PIGN: variants seen among roughly 807,000 people sequenced by gnomAD.
PIGN encodes phosphatidylinositol glycan anchor biosynthesis class N, also known as GPI ethanolamine phosphate transferase 1.
A neutral mutation model predicts 125.4 loss-of-function variants in PIGN; 117 were observed. That is an observed-to-expected ratio of 0.93 (90% CI 0.80 to 1.09). The LOEUF (loss-of-function observed/expected upper bound fraction) is 1.09. Ranked by LOEUF, PIGN falls within the 50% of genes least tolerant of loss-of-function variation. The pLI is 0.00. For missense variants in PIGN, 1,075 were observed against 1,094.9 expected, an observed-to-expected ratio of 0.98 and a Z score of 0.26; for synonymous variants, 392 against 377.8, an observed-to-expected ratio of 1.04 and a Z score of -0.44.
chr18:62,151,038 G>T (rs769849078), intron 7 of PIGN, among the ~76,000 whole-genome samples: 2 of 152,158 alleles, frequency 1.3e-5, no homozygotes, highest in Non-Finnish European at 2.9e-5. Context: ...TGTTTTGCAA[G>T]ATGAAATATT....
intron 1 of PIGN, among the ~76,000 whole-genome samples, chr18:62,176,997 T>C (rs1346733782): frequency 6.6e-6 from 1 of 152,016 alleles, no homozygotes; most frequent in African/African-American, 2.4e-5. Context: ...TCTGAATCTA[T>C]ACTCAAAAGA....
intron 23 of PIGN, among the ~76,000 whole-genome samples, chr18:62,023,529 C>T (rs552788505): frequency 1.3e-5 from 2 of 152,188 alleles, no homozygotes; most frequent in East Asian, 3.8e-4. Context: ...ACCTTCAGCA[C>T]GTTTTTGTGG....
chr18:62,038,878 A>G (rs1350341349), downstream of PIGN, among the ~76,000 whole-genome samples: 1 of 151,982 alleles, frequency 6.6e-6, no homozygotes, highest in Non-Finnish European at 1.5e-5. Flanking sequence ...TCATTGTACC[A>G]CTGCACTACA....
chr18:62,181,432 G>A (rs2037712118), intron 1 of PIGN, among the ~76,000 whole-genome samples: 1 of 152,080 alleles, frequency 6.6e-6, no homozygotes, highest in African/African-American at 2.4e-5. Flanking sequence ...TCATAAGAAA[G>A]TAAAGACAGT....
Position 62,085,223 on chromosome 18 carries a change from T to C in PIGN, c.2412A>G (p.Ile804Met), listed in dbSNP as rs201902492. The change falls in exon 26 of 31, where the codon ATA (isoleucine) becomes ATG (methionine). Residue 804 changes from isoleucine (I) to methionine (M), a missense_variant. Around this residue, in one of 3 missense-constraint regions of PIGN, gnomAD observed 915 missense variants for 908.7 expected, o/e 1.01. Coordinates refer to ENST00000640252, the MANE Select transcript of PIGN (RefSeq NM_176787.5). Reference protein sequence around the residue: ...LVTAFFGTGNIASINSFDLAS... With the variant: ...LVTAFFGTGNMASINSFDLAS... Reference sequence around the variant, plus strand: ...TTTAAAATTACCTGTTAATAGAAGCTATATTTCCAGTTCCAAAAAATGCTG... The same window carrying C: ...TTTAAAATTACCTGTTAATAGAAGCCATATTTCCAGTTCCAAAAAATGCTG... 1.3e-4 allele frequency: 204 copies of C among 1,536,988 alleles called. 1 individual carries two copies. In the African/African-American group the frequency reaches 2.6e-3, roughly 19 times the overall value.
At chr18:62,096,508 ATTAT>A (rs1439071315) in intron 22 of PIGN, among the ~76,000 whole-genome samples, 3 of 111,494 alleles carry the variant, frequency 2.7e-5, no homozygotes, top group Non-Finnish European at 5.3e-5. Flanking sequence ...TCAAAAATGA[ATTAT>A]TTTCTTTTTT....
intron 7 of PIGN, among the ~76,000 whole-genome samples, chr18:62,150,692 ATTT>A (rs113980926): frequency 1.6e-4 from 21 of 134,290 alleles, no homozygotes; most frequent in Non-Finnish European, 2.8e-4. Flanking sequence ...ATGAAGAGTT[ATTT>A]TTTTTGTTTG....
At chr18:62,162,359 T>C (rs2036984426) in intron 2 of PIGN, 30 bp from the exon 3 acceptor site, 1 of 152,090 alleles carries the variant, frequency 6.6e-6, no homozygotes, top group Admixed American at 6.6e-5. Flanking sequence ...AAAAAAGTAT[T>C]GGAACTTGTC....
intron 1 of PIGN, among the ~76,000 whole-genome samples, chr18:62,171,674 C>T (rs1315751603): frequency 6.6e-6 from 1 of 152,050 alleles, no homozygotes; most frequent in Non-Finnish European, 1.5e-5. Flanking sequence ...TTGTCAAATA[C>T]TTTTTGTTGT....
At chr18:62,084,401 T>A in intron 27 of PIGN, 130 bp downstream of exon 27, 2 of 589,196 alleles carry the variant, frequency 3.4e-6, no homozygotes, top group Non-Finnish European at 6.1e-6. Flanking sequence ...ATAGAGGGTC[T>A]CACCTCCAGT....
At chr18:62,183,573 T>C (rs887607270) in intron 1 of PIGN, among the ~76,000 whole-genome samples, 1 of 152,198 alleles carries the variant, frequency 6.6e-6, no homozygotes, top group Non-Finnish European at 1.5e-5. Flanking sequence ...ACGAAAACTT[T>C]TACTTCAGTT....
At chr18:62,054,113 G>GCAGA (rs1430842284) in intron 30 of PIGN, among the ~76,000 whole-genome samples, 1 of 152,156 alleles carries the variant, frequency 6.6e-6, no homozygotes, top group Non-Finnish European at 1.5e-5. Flanking sequence ...AGACGGGGAA[G>GCAGA]CAGACCCATG....
chr18:62,144,046 C>G (rs983066308), intron 10 of PIGN, among the ~76,000 whole-genome samples: 1 of 152,088 alleles, frequency 6.6e-6, no homozygotes, highest in African/African-American at 2.4e-5. Flanking sequence ...TTTAAAAATA[C>G]GTTTCTGACT....
intron 28 of PIGN, among the ~76,000 whole-genome samples, chr18:62,076,275 G>C (rs1454342977): frequency 6.6e-6 from 1 of 152,114 alleles, no homozygotes; most frequent in Admixed American, 6.5e-5. Flanking sequence ...TAATAATGCT[G>C]AACAACTTTT....
chr18:62,154,187 G>C, intron 7 of PIGN: 1 of 285,588 alleles, frequency 3.5e-6, no homozygotes, highest in Non-Finnish European at 6.4e-6. Context: ...TATTACATTT[G>C]AACAGCATTT....
At chr18:62,140,358 C>T in intron 12 of PIGN, 62 bp downstream of exon 12, 1 of 725,726 alleles carries the variant, frequency 1.4e-6, no homozygotes, top group Non-Finnish European at 2.3e-6. Flanking sequence ...AAAAAGAGTA[C>T]ATTTTACTGT....
chr18:62,102,040 C>T (rs564620630), intron 21 of PIGN, among the ~76,000 whole-genome samples: 75 of 151,860 alleles, frequency 4.9e-4, no homozygotes, highest in African/African-American at 1.8e-3. Context: ...CCAGCCTGGC[C>T]AACGTGGTGA....
rs2030614429 is a variant in PIGN, at chr18:62,045,662, T to C, written c.*194A>G. ...TTCCACAGATATAATCACTATTTCA[T>C]GCCTGCAAAACCTAGAAAAAAAAAG... is the stretch of plus-strand genomic sequence containing the variant. On this transcript the variant is annotated 3_prime_UTR_variant, in exon 31 of 31. Transcript: ENST00000640252. 2 of 466,538 alleles carry C rather than the reference T, an allele frequency of 4.3e-6. No homozygotes were observed. The highest frequency in any genetic ancestry group is 7.4e-6 in the Non-Finnish European group (2 of 268,574). The allele number at this position is 466,538 out of a possible 1,614,324, so 28.9% of individuals were successfully genotyped here. A position where few individuals can be genotyped will look rare whatever the true frequency, so the allele number is the denominator to read the frequency against.
At chr18:62,127,022 AAGG>A (rs937160609) in intron 14 of PIGN, among the ~76,000 whole-genome samples, 6 of 152,134 alleles carry the variant, frequency 3.9e-5, no homozygotes, top group Admixed American at 3.9e-4. Flanking sequence ...AGTATTTCTC[AAGG>A]AGGACACTGG....
Sources: allele counts gnomAD v4.1 joint callset (sites outside exome capture counted in the v4.1 genomes callset), GRCh38; gene constraint gnomAD v4.1.1; regional missense constraint gnomAD v4.1.1; transcripts MANE v1.5; gene names NCBI Gene and HGNC (gene_info 2026-07-23, HGNC 2026-07-21).